Variants in DOCK2 observed in about 807,000 individuals in gnomAD.
The protein encoded by DOCK2 is dedicator of cytokinesis protein 2.
Under a neutral mutation model 248.9 loss-of-function variants are expected in DOCK2, and 87 were observed. The ratio of observed to expected loss-of-function variants is 0.35; its 90% CI spans 0.29 to 0.42. The LOEUF (loss-of-function observed/expected upper bound fraction) is 0.42, where lower values mean the gene tolerates loss of function less well. DOCK2 is among the 10% of genes least tolerant of loss of function. The pLI, the probability that DOCK2 is intolerant of heterozygous loss-of-function variation, is 1.00. For synonymous variants in DOCK2, 805 were observed against 821.6 expected, an observed-to-expected ratio of 0.98 and a Z score of 0.35; for missense variants, 1,747 against 2,300.2, an observed-to-expected ratio of 0.76 and a Z score of 4.92.
At chr5:169,863,179 G>A (rs1038952723) in intron 27 of DOCK2, among the ~76,000 whole-genome samples, 2 of 152,210 alleles carry the variant, frequency 1.3e-5, no homozygotes, top group Admixed American at 1.3e-4. Flanking sequence ...GGGATGGAAA[G>A]ATATTTAAAC....
chr5:169,803,146 G>A lies in DOCK2; in HGVS notation c.2643G>A (p.Glu881=). The change falls in exon 26 of 52, where the codon GAG becomes GAA. Residue 881 remains glutamate (E), a synonymous_variant. Transcript: ENST00000520908. ...QKDDMQHQVL[E]RKYCVELLNS... ...ATGACATGCAACACCAGGTCCTGGA[G>A]AGGAAGTACTGCGTTGAATTGCTCA... 6.2e-7 allele frequency: 1 copy of A among 1,614,216 alleles called. No homozygotes were observed. Among genetic ancestry groups the A allele is most frequent in the Non-Finnish European group, 8.5e-7 (1 of 1,180,024 alleles).
At chr5:169,693,124 A>G (rs1404913259) in intron 9 of DOCK2, among the ~76,000 whole-genome samples, 1 of 152,106 alleles carries the variant, frequency 6.6e-6, no homozygotes, top group Non-Finnish European at 1.5e-5. Flanking sequence ...AAATATGGAG[A>G]ATCCTAATTT....
chr5:169,712,723 T>A (rs1234433016), intron 17 of DOCK2, among the ~76,000 whole-genome samples: 1 of 152,186 alleles, frequency 6.6e-6, no homozygotes, highest in African/African-American at 2.4e-5. Context: ...GTTGTGGCAA[T>A]ATTTATGACA....
intron 27 of DOCK2, among the ~76,000 whole-genome samples, chr5:169,930,090 C>A (rs259890): frequency 0.48 from 72,746 of 151,842 alleles, 17,189 homozygotes; most frequent in East Asian, 0.56. Flanking sequence ...TCCTGGGTTC[C>A]GGTGATTCCC....
At chr5:169,661,842 T>A (rs1274430662) in intron 2 of DOCK2, among the ~76,000 whole-genome samples, 11 of 152,214 alleles carry the variant, frequency 7.2e-5, no homozygotes, top group African/African-American at 2.4e-4. Context: ...ATATTACAGT[T>A]TCTTTATCTA....
chr5:169,891,193 C>A (rs1773258586), intron 27 of DOCK2, among the ~76,000 whole-genome samples: 1 of 152,118 alleles, frequency 6.6e-6, no homozygotes, highest in South Asian at 2.1e-4. Context: ...TTTGTTAGGA[C>A]TCCTCTTTCC....
chr5:169,675,686 A>G (rs886248358), intron 6 of DOCK2, among the ~76,000 whole-genome samples: 1 of 152,226 alleles, frequency 6.6e-6, no homozygotes, highest in Non-Finnish European at 1.5e-5. Flanking sequence ...GGCATACTCA[A>G]GGAACTGCAA....
chr5:169,644,064 T>C (rs1297933837), intron 1 of DOCK2, among the ~76,000 whole-genome samples: 1 of 152,030 alleles, frequency 6.6e-6, no homozygotes, highest in Non-Finnish European at 1.5e-5. Context: ...GGGAGGCCAG[T>C]GTGGCTGCAG....
chr5:169,674,242 T>C, intron 5 of DOCK2, 55 bp from the exon 6 acceptor site: 2 of 1,591,852 alleles, frequency 1.3e-6, no homozygotes, highest in Non-Finnish European at 1.7e-6. Flanking sequence ...GCCTGCCAAA[T>C]AGATGGTCAT....
chr5:169,722,861 T>A (rs1459255430), intron 22 of DOCK2, among the ~76,000 whole-genome samples: 1 of 152,198 alleles, frequency 6.6e-6, no homozygotes, highest in Non-Finnish European at 1.5e-5. Context: ...AAACATTTCT[T>A]ACAGTTTATT....
chr5:169,884,266 CA>C (rs2113514123), intron 27 of DOCK2: 1 of 172,016 alleles, frequency 5.8e-6, no homozygotes, highest in Admixed American at 6.2e-5. Context: ...CTGTCTTGAA[CA>C]AAAAGACAAC....
intron 33 of DOCK2, among the ~76,000 whole-genome samples, chr5:170,025,208 T>C (rs2113828045): frequency 6.6e-6 from 1 of 152,378 alleles, no homozygotes; most frequent in South Asian, 2.1e-4. Context: ...TAGGTACTAC[T>C]GTTATGCCCA....
chr5:170,011,225 C>G (rs1440532206), intron 32 of DOCK2, among the ~76,000 whole-genome samples: 1 of 152,170 alleles, frequency 6.6e-6, no homozygotes, highest in Non-Finnish European at 1.5e-5. Context: ...AGAGGGTTTT[C>G]TAGGGGGAAG....
At chr5:169,881,555 A>G (rs1169272012) in intron 27 of DOCK2, 11 of 755,808 alleles carry the variant, frequency 1.5e-5, no homozygotes, top group Non-Finnish European at 2.1e-5. Flanking sequence ...GGTGCTCTGA[A>G]GTTGCACGGC....
chr5:169,752,345 T>C (rs1461484326), intron 23 of DOCK2, among the ~76,000 whole-genome samples: 2 of 152,042 alleles, frequency 1.3e-5, no homozygotes, highest in Non-Finnish European at 2.9e-5. Context: ...GCCCCTGGAG[T>C]GTCCAGGAGG....
intron 27 of DOCK2, among the ~76,000 whole-genome samples, chr5:169,956,372 TC>T (rs1435801900): frequency 1.3e-5 from 2 of 152,224 alleles, no homozygotes; most frequent in African/African-American, 4.8e-5. Flanking sequence ...AAGAGGCTGC[TC>T]CTGATCTCAT....
intron 27 of DOCK2, among the ~76,000 whole-genome samples, chr5:169,860,281 G>A (rs72841201): frequency 0.017 from 2,580 of 152,052 alleles, 28 homozygotes; most frequent in Middle Eastern, 0.031. Flanking sequence ...CCCTTGCCCC[G>A]AGAAAAACCT....
intron 27 of DOCK2, among the ~76,000 whole-genome samples, chr5:169,949,573 G>C (rs1776579741): frequency 6.6e-6 from 1 of 151,676 alleles, no homozygotes; most frequent in African/African-American, 2.4e-5. Context: ...AGGCGGGGGA[G>C]CACAGCAGCT....
intron 30 of DOCK2, 127 bp downstream of exon 30, chr5:169,996,291 C>T (rs1023394362): frequency 2.3e-5 from 22 of 937,722 alleles, no homozygotes; most frequent in Middle Eastern, 6.6e-4. Flanking sequence ...GGGATTCCCA[C>T]GGGGGGTTAT....
Sources: gnomAD v4.1 joint callset for allele counts (sites outside exome capture counted in the v4.1 genomes callset) on GRCh38, gnomAD v4.1.1 for gene constraint, MANE v1.5 for transcripts, NCBI Gene and HGNC (gene_info 2026-07-23, HGNC 2026-07-21) for gene names.